The following SYNPR variants were observed in gnomAD, a reference collection of about 807,000 sequenced individuals.
The protein encoded by SYNPR is synaptoporin.
In SYNPR, 23 loss-of-function variants were observed where a neutral mutation model predicts 32.9. The ratio of observed to expected loss-of-function variants is 0.70; its 90% CI spans 0.50 to 0.99. The LOEUF is 0.99. Ranked by LOEUF, SYNPR falls within the 50% of genes least tolerant of loss-of-function variation. SYNPR has a pLI of 0.00. For synonymous variants in SYNPR, 146 were observed against 135.9 expected (o/e 1.07, Z -0.52); for missense variants, 318 against 349.3 (o/e 0.91, Z 0.71).
intron 1 of SYNPR, 38 bp downstream of exon 1, chr3:63,278,589 G>A: frequency 1.3e-6 from 2 of 1,550,686 alleles, no homozygotes; most frequent in Non-Finnish European, 1.7e-6. Flanking sequence ...GCTGGGAGCA[G>A]GGGGCGGGGG....
intron 1 of SYNPR, among the ~76,000 whole-genome samples, chr3:63,251,296 T>C (rs1029123922): frequency 9.2e-5 from 14 of 151,742 alleles, no homozygotes; most frequent in African/African-American, 3.4e-4. Context: ...CTAAGACATA[T>C]TGCTAAATAA....
At chr3:63,279,310 G>C (rs1036272125) in intron 2 of SYNPR, among the ~76,000 whole-genome samples, 1 of 152,188 alleles carries the variant, frequency 6.6e-6, no homozygotes, top group Non-Finnish European at 1.5e-5. Flanking sequence ...GGCGGGTAGA[G>C]AGCAGAACTC....
chr3:63,366,015 A>G (rs1253033142), intron 2 of SYNPR, among the ~76,000 whole-genome samples: 1 of 152,216 alleles, frequency 6.6e-6, no homozygotes, highest in Non-Finnish European at 1.5e-5. Flanking sequence ...TATTTTAAAT[A>G]ATACTGAACA....
upstream of SYNPR, among the ~76,000 whole-genome samples, chr3:63,226,500 A>T (rs1259373741): frequency 6.6e-6 from 1 of 152,226 alleles, no homozygotes; most frequent in Non-Finnish European, 1.5e-5. Flanking sequence ...GTATATATAC[A>T]CAATGGAATA....
chr3:63,608,844 T>C (rs958737869), intron 4 of SYNPR, among the ~76,000 whole-genome samples: 3 of 152,190 alleles, frequency 2.0e-5, no homozygotes, highest in African/African-American at 7.2e-5. Context: ...TACAGGGATG[T>C]TGTAGGAACA....
At chr3:63,502,604 T>C (rs1445063449) in intron 3 of SYNPR, among the ~76,000 whole-genome samples, 2 of 152,270 alleles carry the variant, frequency 1.3e-5, no homozygotes, top group South Asian at 4.1e-4. Flanking sequence ...TCTGTCTCCA[T>C]AGTTTTGCTT....
chr3:63,555,625 C>T (rs765979737), intron 3 of SYNPR, among the ~76,000 whole-genome samples: 7 of 152,090 alleles, frequency 4.6e-5, no homozygotes, highest in Non-Finnish European at 1.0e-4. Context: ...ATAGAGTTTA[C>T]TCACTAAAAT....
intron 3 of SYNPR, among the ~76,000 whole-genome samples, chr3:63,538,727 C>G (rs1171118713): frequency 6.6e-6 from 1 of 151,946 alleles, no homozygotes; most frequent in Non-Finnish European, 1.5e-5. Flanking sequence ...AATGGACATG[C>G]ATGAAGCAGA....
rs144689268 is a variant in SYNPR, at chr3:63,366,239, C to T, written c.84+87497C>T. ...TTACAAGACATTCTTGGAACAAAAC[C>T]GAGGGGTTTTTTTCCCTATAGGTTT... On this transcript the variant is annotated intron_variant, in intron 2 of 5. Coordinates refer to ENST00000478300, the MANE Select transcript of SYNPR (RefSeq NM_001130003.2). 2.8e-4 allele frequency among the ~76,000 whole-genome samples: 43 copies of T among 152,018 alleles called. 1 individual carries two copies. In the East Asian group the frequency reaches 5.6e-3, roughly 20 times the overall value.
intron 2 of SYNPR, among the ~76,000 whole-genome samples, chr3:63,326,233 A>G (rs1003078784): frequency 6.6e-6 from 1 of 152,032 alleles, no homozygotes; most frequent in African/African-American, 2.4e-5. Flanking sequence ...CATGTTAAAG[A>G]TCCCATTGAA....
intron 3 of SYNPR, among the ~76,000 whole-genome samples, chr3:63,485,205 C>T (rs992110384): frequency 2.0e-5 from 3 of 151,750 alleles, no homozygotes; most frequent in African/African-American, 7.3e-5. Context: ...ATGGAGGATG[C>T]CTGTTCTTGT....
chr3:63,560,707 G>A (rs543132398), intron 4 of SYNPR, among the ~76,000 whole-genome samples: 1 of 152,288 alleles, frequency 6.6e-6, no homozygotes, highest in South Asian at 2.1e-4. Flanking sequence ...TCATAGGGCA[G>A]ACAAAGAGAG....
At chr3:63,222,011 A>ATTTTTTTTTTTTT in the SYNPR span, among the ~76,000 whole-genome samples, 19 of 56,408 alleles carry the variant, frequency 3.4e-4, 1 homozygote, top group Admixed American at 7.6e-4. Flanking sequence ...GCCATGCTCA[A>ATTTTTTTTTTTTT]TTTTTTTTTT....
At position 63,429,873 on chromosome 3, in the gene SYNPR, T is replaced by C. The variant is rs530966126; in HGVS notation, c.85-50959T>C. ...AGTGTGCCTTCTTCTGACAGTTTGT[T>C]CTGTTTTACTTGGCTTCTTCTAATA... On this transcript the variant is annotated intron_variant, in intron 2 of 5. Coordinates refer to ENST00000478300, the MANE Select transcript of SYNPR (RefSeq NM_001130003.2). Among the ~76,000 whole-genome samples, 18 of 152,354 alleles carry C rather than the reference T, an allele frequency of 1.2e-4. No homozygotes were observed. In the East Asian group the frequency reaches 3.5e-3, roughly 29 times the overall value.
At chr3:63,534,162 T>A (rs1702160201) in intron 3 of SYNPR, among the ~76,000 whole-genome samples, 1 of 152,160 alleles carries the variant, frequency 6.6e-6, no homozygotes, top group Admixed American at 6.5e-5. Flanking sequence ...TATTACCTTG[T>A]TAAATTGCTT....
At chr3:63,473,664 A>T (rs766788467) in intron 2 of SYNPR, among the ~76,000 whole-genome samples, 4 of 152,214 alleles carry the variant, frequency 2.6e-5, no homozygotes, top group African/African-American at 4.8e-5. Context: ...TAGTTAGTGT[A>T]GTCAAAGATT....
chr3:63,237,604 C>T (rs541064189), intron 1 of SYNPR, among the ~76,000 whole-genome samples: 10 of 152,008 alleles, frequency 6.6e-5, no homozygotes, highest in South Asian at 2.1e-4. Flanking sequence ...CTTAGTATGA[C>T]GGATGACTTT....
At chr3:63,615,122 G>A in intron 5 of SYNPR, 102 bp from the exon 6 acceptor site, 10 of 1,383,750 alleles carry the variant, frequency 7.2e-6, no homozygotes, top group Non-Finnish European at 9.7e-6. Context: ...CAACATTAAA[G>A]TGAAAAGTGA....
In SYNPR at chr3:63,444,084, G is replaced by A. The variant is rs1221619003; in HGVS notation, c.85-36748G>A. 3.9e-5 allele frequency among the ~76,000 whole-genome samples: 6 copies of A among 152,316 alleles called. No homozygotes were observed. In the South Asian group the frequency reaches 1.2e-3, roughly 32 times the overall value. ...GCCATGAAAAGCTACAATCACAAGT[G>A]GCTGTTGCTTCTCTTTCGTCTTTCT... is the stretch of plus-strand genomic sequence containing the variant. On this transcript the variant is annotated intron_variant, in intron 2 of 5. Transcript: ENST00000478300.
Sources: allele counts gnomAD v4.1 joint callset (sites outside exome capture counted in the v4.1 genomes callset), GRCh38; gene constraint gnomAD v4.1.1; transcripts MANE v1.5; gene names NCBI Gene and HGNC (gene_info 2026-07-23, HGNC 2026-07-21).